The following NLGN1 variants were observed in gnomAD, a reference collection of about 807,000 sequenced individuals.
The protein encoded by NLGN1 is neuroligin 1.
NLGN1 carries 12 observed loss-of-function variants against 65.5 expected under a neutral mutation model. The observed-to-expected ratio is 0.18, with a 90% CI of 0.12 to 0.30. NLGN1 has a LOEUF of 0.30. NLGN1 is among the 10% of genes least tolerant of loss of function. The pLI is 1.00. For synonymous variants in NLGN1, 350 were observed against 359.5 expected (o/e 0.97, Z 0.30); for missense variants, 750 against 1,007.1 (o/e 0.74, Z 3.46).
rs114645975 is a variant in NLGN1, at chr3:174,153,269, G to A, written c.647-122046G>A. Among the ~76,000 whole-genome samples the A allele has an allele frequency of 3.1e-3, 473 of 152,136 alleles. 1 individual carries two copies. Among genetic ancestry groups the A allele is most frequent in the African/African-American group, 0.011 (452 of 41,514 alleles). On this transcript the variant is annotated intron_variant, in intron 4 of 6. Transcript: ENST00000457714. ...TAAATTGTGACAGTTGCATTCATTG[G>A]ACAATGCTCAGTATGATGATTATAC... is the stretch of plus-strand genomic sequence containing the variant.
intron 4 of NLGN1, among the ~76,000 whole-genome samples, chr3:173,991,989 G>A (rs1183178869): frequency 2.0e-5 from 3 of 151,930 alleles, no homozygotes; most frequent in Non-Finnish European, 4.4e-5. Flanking sequence ...CACCATGTCC[G>A]GCTAATTTTT....
chr3:173,843,849 T>C (rs1047751002), intron 4 of NLGN1, among the ~76,000 whole-genome samples: 5 of 152,340 alleles, frequency 3.3e-5, no homozygotes, highest in Admixed American at 2.6e-4. Flanking sequence ...TTCCCCATTT[T>C]TGGGTATCTT....
intron 2 of NLGN1, among the ~76,000 whole-genome samples, chr3:173,531,794 T>C (rs1304104238): frequency 6.6e-6 from 1 of 152,138 alleles, no homozygotes; most frequent in Non-Finnish European, 1.5e-5. Flanking sequence ...CTTTTAAGCC[T>C]CCAGGGAGGA....
At chr3:174,184,657 T>C (rs561905604) in intron 4 of NLGN1, among the ~76,000 whole-genome samples, 99 of 152,240 alleles carry the variant, frequency 6.5e-4, no homozygotes, top group African/African-American at 2.2e-3. Flanking sequence ...CTGAGAGAAA[T>C]AGAAGAAACA....
chr3:174,244,913 T>A (rs184517081), intron 4 of NLGN1, among the ~76,000 whole-genome samples: 1 of 152,210 alleles, frequency 6.6e-6, no homozygotes, highest in African/African-American at 2.4e-5. Flanking sequence ...GAAATTGCCA[T>A]AGATGTCGCA....
intron 4 of NLGN1, among the ~76,000 whole-genome samples, chr3:173,971,989 C>T (rs9290488): frequency 0.34 from 51,778 of 151,662 alleles, 9,641 homozygotes; most frequent in African/African-American, 0.49. Context: ...ACAAGTGCAA[C>T]TCACAGCATG....
intron 4 of NLGN1, among the ~76,000 whole-genome samples, chr3:174,259,267 G>C (rs994672048): frequency 1.3e-5 from 2 of 151,842 alleles, no homozygotes; most frequent in African/African-American, 4.8e-5. Flanking sequence ...AGCTAGTGTG[G>C]AATTAAAGAC....
At chr3:174,030,354 G>C (rs1729742260) in intron 4 of NLGN1, among the ~76,000 whole-genome samples, 1 of 152,068 alleles carries the variant, frequency 6.6e-6, no homozygotes. Flanking sequence ...TCGAACTCCT[G>C]ACCTCGTGAT....
intron 4 of NLGN1, among the ~76,000 whole-genome samples, chr3:174,126,757 G>T (rs368239166): frequency 1.2e-4 from 19 of 152,190 alleles, no homozygotes; most frequent in African/African-American, 4.3e-4. Flanking sequence ...CAACTTCTGT[G>T]ATTTTTCTAA....
At chr3:173,577,749 C>A (rs760407499) in intron 2 of NLGN1, among the ~76,000 whole-genome samples, 44 of 152,162 alleles carry the variant, frequency 2.9e-4, no homozygotes, top group Non-Finnish European at 5.6e-4. Flanking sequence ...ACCAAACACA[C>A]ATGATCTTAG....
chr3:173,407,262 A>G (rs1718863242), intron 1 of NLGN1, among the ~76,000 whole-genome samples: 1 of 152,218 alleles, frequency 6.6e-6, no homozygotes, highest in South Asian at 2.1e-4. Flanking sequence ...ATTTCTAAAA[A>G]CTTTAATAAA....
At chr3:174,236,001 A>C (rs1296396587) in intron 4 of NLGN1, among the ~76,000 whole-genome samples, 1 of 152,184 alleles carries the variant, frequency 6.6e-6, no homozygotes, top group Non-Finnish European at 1.5e-5. Flanking sequence ...TGTAAATTCC[A>C]AGTAGTCAGG....
chr3:173,908,815 T>C (rs1738978984), intron 4 of NLGN1, among the ~76,000 whole-genome samples: 2 of 152,190 alleles, frequency 1.3e-5, no homozygotes, highest in East Asian at 1.9e-4. Flanking sequence ...ATTGCGTTAT[T>C]TTTCTTTCAT....
chr3:173,455,159 C>G lies in NLGN1; in HGVS notation c.-321+20081C>G, dbSNP rs527681022. Among the ~76,000 whole-genome samples, 3 of 152,208 alleles carry G rather than the reference C, an allele frequency of 2.0e-5. No individual in the cohort carries two copies. In the East Asian group the frequency reaches 5.8e-4, roughly 29 times the overall value. ...CATTCACATTGCTATTAATAAATAC[C>G]TGAGGTTATATAATTTATAAAGAAG... is the stretch of plus-strand genomic sequence containing the variant. On this transcript the variant is annotated intron_variant, in intron 2 of 6. Transcript: ENST00000457714.
At chr3:173,833,175 C>T (rs2150609563) in intron 4 of NLGN1, among the ~76,000 whole-genome samples, 1 of 152,286 alleles carries the variant, frequency 6.6e-6, no homozygotes, top group Middle Eastern at 3.4e-3. Flanking sequence ...TGGCAAAGTG[C>T]ATTGCAAGAG....
chr3:173,861,643 TAATA>T (rs1419458772), intron 4 of NLGN1, among the ~76,000 whole-genome samples: 63 of 151,280 alleles, frequency 4.2e-4, no homozygotes, highest in Admixed American at 2.9e-3. Context: ...TTACAAATAA[TAATA>T]AAAATAAAAA....
At chr3:173,808,513 A>G (rs537737718) in intron 4 of NLGN1, among the ~76,000 whole-genome samples, 17 of 152,286 alleles carry the variant, frequency 1.1e-4, no homozygotes, top group African/African-American at 3.1e-4. Context: ...TAGGCATGTT[A>G]TCTTATACAA....
intron 3 of NLGN1, among the ~76,000 whole-genome samples, chr3:173,609,482 T>C (rs927424819): frequency 6.6e-6 from 1 of 151,986 alleles, no homozygotes; most frequent in Non-Finnish European, 1.5e-5. Context: ...TTTGTCTGGT[T>C]GTCTATTTAA....
chr3:174,201,558 T>C (rs1290588631), intron 4 of NLGN1, among the ~76,000 whole-genome samples: 1 of 13,524 alleles, frequency 7.4e-5, no homozygotes, highest in African/African-American at 2.5e-4. Flanking sequence ...AATAGGCAGG[T>C]TACAAATTAC....
Sources: allele counts gnomAD v4.1 joint callset (sites outside exome capture counted in the v4.1 genomes callset), GRCh38; gene constraint gnomAD v4.1.1; transcripts MANE v1.5; gene names NCBI Gene and HGNC (gene_info 2026-07-23, HGNC 2026-07-21).